SGF29: variants seen among roughly 807,000 people sequenced by gnomAD.
SGF29 encodes SAGA complex associated factor 29.
In SGF29, 15 loss-of-function variants were observed where a neutral mutation model predicts 38.1. The observed-to-expected ratio is 0.39, with a 90% confidence interval of 0.26 to 0.61. The LOEUF (loss-of-function observed/expected upper bound fraction) is 0.61. Ranked by LOEUF, SGF29 falls within the 20% of genes least tolerant of loss-of-function variation. The pLI, the probability that SGF29 is intolerant of heterozygous loss-of-function variation, is 0.49. For synonymous variants in SGF29, 151 were observed against 160.8 expected, an observed-to-expected ratio of 0.94 and a Z score of 0.46; for missense variants, 184 against 394.6, an observed-to-expected ratio of 0.47 and a Z score of 4.52.
chr16:28,591,762 G>T lies in SGF29; in HGVS notation c.*56G>T, dbSNP rs4987222. ...GACACAGGGCAGGACAGCAGAGGAC[G>T]TGCTGGGATTAAACACATTCCCCCT... is the stretch of plus-strand genomic sequence containing the variant. On this transcript the variant is annotated 3_prime_UTR_variant, in exon 10 of 10. Transcript: ENST00000317058. 9 of 1,415,584 alleles carry T rather than the reference G, an allele frequency of 6.4e-6. No individual in the cohort carries two copies. The highest frequency in any genetic ancestry group is 8.9e-6 in the Non-Finnish European group (9 of 1,006,050). 87.7% of individuals were successfully genotyped at this position (1,415,584 alleles called of 1,614,324 possible).
Position 28,584,953 on chromosome 16 carries a change from A to G in SGF29, c.116A>G (p.Gln39Arg). 6.2e-7 allele frequency: 1 copy of G among 1,613,924 alleles called. No individual in the cohort carries two copies. Among genetic ancestry groups the G allele is most frequent in the Non-Finnish European group, 8.5e-7 (1 of 1,179,986 alleles). ...AGCGAACACAACTTAGTGAACATCC[A>G]GAAGACCCATGAGCGGATGCAGACA... ...SRSEHNLVNIQKTHERMQTEN... is the reference protein window; with the variant it reads ...SRSEHNLVNIRKTHERMQTEN... The change falls in exon 3 of 10, where the codon CAG becomes CGG. Residue 39 changes from glutamine to arginine, a missense_variant. By Grantham distance (43) the Gln-to-Arg change is conservative. Around this residue, in one of 2 missense-constraint regions of SGF29, gnomAD observed 77 missense variants for 117.7 expected, o/e 0.65. Coordinates refer to ENST00000317058, the MANE Select transcript of SGF29 (RefSeq NM_138414.3).
chr16:28,560,115 A>G (rs1366064095), intron 1 of SGF29, among the ~76,000 whole-genome samples: 2 of 151,732 alleles, frequency 1.3e-5, no homozygotes, highest in Non-Finnish European at 2.9e-5. Flanking sequence ...GGTGGTACAC[A>G]GGAGGCTCAG....
intron 1 of SGF29, among the ~76,000 whole-genome samples, chr16:28,565,722 C>T (rs962246052): frequency 1.3e-5 from 2 of 151,650 alleles, no homozygotes; most frequent in African/African-American, 4.8e-5. Flanking sequence ...CTCCTGACCT[C>T]GTGATCCACC....
At chr16:28,559,088 A>G (rs973762419) in intron 1 of SGF29, among the ~76,000 whole-genome samples, 4 of 152,126 alleles carry the variant, frequency 2.6e-5, no homozygotes, top group Non-Finnish European at 5.9e-5. Context: ...GGGAGGCTGA[A>G]GCAGGAAGAT....
chr16:28,591,673 C>T lies in SGF29; in HGVS notation c.849C>T (p.Tyr283=), dbSNP rs142893579. Residue 283 remains tyrosine (Y), a synonymous_variant, in exon 10 of 10, where the codon TAC becomes TAT. Transcript: ENST00000317058. The part of the protein sequence containing the change: ...YSPPLNVAQR[Y]VVACKEPKKK ...CTCCCCTCAATGTGGCTCAGAGATA[C>T]GTGGTGGCTTGTAAGGAACCCAAGA... The T allele has an allele frequency of 2.1e-4, 333 of 1,613,928 alleles. 2 individuals are homozygous for T. The African/African-American group carries it at 3.6e-3, about 18-fold the overall frequency.
Position 28,588,695 on chromosome 16 carries a change from G to C in SGF29, c.225-405G>C, listed in dbSNP as rs13329926. On this transcript the variant is annotated intron_variant, in intron 4 of 9. Transcript: ENST00000317058. ...TTCTCTTGCCTCAGCCTCCCAAGTA[G>C]GTGGGATTACAGTTAAAGACGCTCG... 3,367 of 396,822 alleles carry C rather than the reference G, an allele frequency of 8.5e-3. 115 individuals carry two copies. The highest frequency in any genetic ancestry group is 0.067 in the African/African-American group (3,116 of 46,566). The allele number at this position is 396,822 out of a possible 1,614,324, so 24.6% of individuals were successfully genotyped here.
At chr16:28,564,728 CATATATATGTATATATGT>C (rs71140979) in intron 1 of SGF29, among the ~76,000 whole-genome samples, 39,582 of 67,814 alleles carry the variant, frequency 0.58, 10,843 homozygotes, top group South Asian at 0.7. Context: ...TATATATATA[CATATATATGTATATATGT>C]ATATATATGT....
chr16:28,590,958 G>A lies in SGF29; in HGVS notation c.765+23G>A, dbSNP rs2046986313. On this transcript the variant is annotated intron_variant, in intron 9 of 9. Transcript: ENST00000317058. This position sits in a 1 kb window ranked among gnomAD's most constrained non-coding sequence, Gnocchi z 8.2. ...CGGGTAAAGCAGCCTCCAGGGGAGAGGCCATGGGTGATGTCAGGAACAGGC... is the reference window on the plus strand; with the variant it reads ...CGGGTAAAGCAGCCTCCAGGGGAGAAGCCATGGGTGATGTCAGGAACAGGC... 2 of 1,586,014 alleles carry A rather than the reference G, an allele frequency of 1.3e-6. No individual in the cohort carries two copies. The highest frequency in any genetic ancestry group is 3.5e-5 in the Admixed American group (2 of 57,364).
At chr16:28,575,221 T>A (rs1040114485) in intron 1 of SGF29, among the ~76,000 whole-genome samples, 2 of 152,124 alleles carry the variant, frequency 1.3e-5, no homozygotes, top group Non-Finnish European at 2.9e-5. Context: ...CTCTAAATGT[T>A]TCTAAGGGGA....
chr16:28,574,323 C>A (rs1317052860), intron 1 of SGF29, among the ~76,000 whole-genome samples: 3 of 152,188 alleles, frequency 2.0e-5, no homozygotes, highest in Non-Finnish European at 4.4e-5. Flanking sequence ...CCCGCATGCA[C>A]AGTGTGCTCC....
At position 28,591,691 on chromosome 16, in the gene SGF29, A is replaced by G. The variant is rs3194168; in HGVS notation, c.867A>G (p.Glu289=). 0.11 allele frequency: 183,598 copies of G among 1,607,920 alleles called. 11,371 individuals carry two copies. Among genetic ancestry groups the G allele is most frequent in the Middle Eastern group, 0.18 (1,095 of 6,054 alleles). ...AGAGATACGTGGTGGCTTGTAAGGAACCCAAGAAAAAGTGATGCCGCCTGG... is the reference window on the plus strand; with the variant it reads ...AGAGATACGTGGTGGCTTGTAAGGAGCCCAAGAAAAAGTGATGCCGCCTGG... ...VAQRYVVACK[E]PKKK The change falls in exon 10 of 10, where the codon GAA becomes GAG. Residue 289 remains glutamate (E), a synonymous_variant. Transcript: ENST00000317058.
chr16:28,587,808 T>A (rs2046963563), intron 4 of SGF29, among the ~76,000 whole-genome samples: 1 of 152,150 alleles, frequency 6.6e-6, no homozygotes, highest in Non-Finnish European at 1.5e-5. Context: ...TGGAAATACG[T>A]ATTTTTTTTG....
chr16:28,574,018 G>A (rs1332206343), intron 1 of SGF29, among the ~76,000 whole-genome samples: 3 of 152,204 alleles, frequency 2.0e-5, no homozygotes, highest in African/African-American at 7.2e-5. Flanking sequence ...CATTGGTTTT[G>A]TTACGGGTGG....
chr16:28,590,526 C>T lies in SGF29; in HGVS notation c.566+84C>T. On this transcript the variant is annotated intron_variant, in intron 7 of 9. Coordinates refer to ENST00000317058, the MANE Select transcript of SGF29 (RefSeq NM_138414.3). The surrounding 1 kb of genome is among the most constrained non-coding windows in gnomAD (Gnocchi z 8.2). ...AGAAAAGCTCTGCAGAGGGTGCTCC[C>T]CAGAGGCTGGTTGTGCAGGGAGCAC... 5 of 1,612,728 alleles carry T rather than the reference C, an allele frequency of 3.1e-6. No individual in the cohort carries two copies. Among genetic ancestry groups the T allele is most frequent in the Admixed American group, 1.7e-5 (1 of 60,020 alleles).
At chr16:28,563,116 T>C (rs1164048962) in intron 1 of SGF29, among the ~76,000 whole-genome samples, 1 of 152,078 alleles carries the variant, frequency 6.6e-6, no homozygotes, top group Non-Finnish European at 1.5e-5. Context: ...TGTTGCATTT[T>C]TCTTTCACCT....
chr16:28,581,154 C>T lies in SGF29; in HGVS notation c.75+10C>T. On this transcript the variant is annotated intron_variant, in intron 2 of 9. Coordinates refer to ENST00000317058, the MANE Select transcript of SGF29 (RefSeq NM_138414.3). The stretch of plus-strand genomic sequence containing the variant: ...GATCAAACAAACCCAGGTAAAAAGT[C>T]ACCACCCTCCATTCCCAGATGGGAA... 6.2e-7 allele frequency: 1 copy of T among 1,612,760 alleles called. No individual in the cohort carries two copies.
rs1479833198 is a variant in SGF29, at chr16:28,554,106, C to G, written c.-16+9C>G. 6.6e-6 allele frequency: 1 copy of G among 152,334 alleles called. No individual in the cohort carries two copies. The highest frequency in any genetic ancestry group is 1.5e-5 in the Non-Finnish European group (1 of 68,060). The allele number at this position is 152,334 out of a possible 1,614,324, so 9.4% of individuals were successfully genotyped here. ...GTTTTGTCCCGGACTCGGTAGGTGG[C>G]GACGGGCCGTGGCCTGAGACCTCCG... On this transcript the variant is annotated intron_variant, in intron 1 of 9. Transcript: ENST00000317058.
intron 1 of SGF29, among the ~76,000 whole-genome samples, chr16:28,559,459 C>T (rs1407103274): frequency 6.6e-6 from 1 of 152,180 alleles, no homozygotes; most frequent in Admixed American, 6.5e-5. Flanking sequence ...TTTTGGCTCA[C>T]TTTAACCTCC....
intron 1 of SGF29, among the ~76,000 whole-genome samples, chr16:28,568,736 A>T (rs1424887732): frequency 6.6e-6 from 1 of 152,076 alleles, no homozygotes; most frequent in Admixed American, 6.6e-5. Context: ...AACATGGTGA[A>T]ACCCTGTCTG....
Sources: gnomAD v4.1 joint callset for allele counts (sites outside exome capture counted in the v4.1 genomes callset) on GRCh38, gnomAD v4.1.1 for gene constraint, gnomAD v4.1.1 regional missense constraint, Gnocchi (gnomAD v3.1) non-coding constraint, MANE v1.5 for transcripts, NCBI Gene and HGNC (gene_info 2026-07-23, HGNC 2026-07-21) for gene names.